The following CACNB4 variants were observed in gnomAD, a reference collection of about 807,000 sequenced individuals.
The protein encoded by CACNB4 is calcium voltage-gated channel auxiliary subunit beta 4.
CACNB4 carries 32 observed loss-of-function variants against 71.2 expected under a neutral mutation model. The observed-to-expected ratio is 0.45, with a 90% CI of 0.34 to 0.60. The LOEUF (loss-of-function observed/expected upper bound fraction) is 0.60, where lower values mean the gene tolerates loss of function less well. CACNB4 is among the 20% of genes least tolerant of loss of function. CACNB4 has a pLI of 0.01. For synonymous variants in CACNB4, 231 were observed against 236.9 expected (o/e 0.97, Z 0.23); for missense variants, 464 against 647.9 (o/e 0.72, Z 3.08).
At chr2:151,979,714 T>C (rs1007309562) in intron 2 of CACNB4, among the ~76,000 whole-genome samples, 1 of 152,212 alleles carries the variant, frequency 6.6e-6, no homozygotes, top group African/African-American at 2.4e-5. Context: ...TGAGAAATGA[T>C]GGCATCTCCC....
chr2:152,098,636 C>CCCA lies in CACNB4; in HGVS notation c.64-226_64-224dup. On this transcript the variant is annotated intron_variant, in intron 1 of 13. Coordinates refer to ENST00000539935, the MANE Select transcript of CACNB4 (RefSeq NM_000726.5). This position sits in a 1 kb window ranked among gnomAD's most constrained non-coding sequence, Gnocchi z 5.3. ...GCTCGAGAAGAGCAGCCCGCAAGCA[C>CCCA]CCACCACATCCATTAACAAAGACTC... 4.5e-6 allele frequency: 7 copies of CCCA among 1,571,042 alleles called. No individual in the cohort carries two copies. The East Asian group carries it at 1.4e-4, about 32-fold the overall frequency.
intron 2 of CACNB4, among the ~76,000 whole-genome samples, chr2:151,913,058 T>A (rs1290689173): frequency 3.3e-5 from 5 of 152,298 alleles, no homozygotes; most frequent in Non-Finnish European, 7.4e-5. Flanking sequence ...GAGCTTTACA[T>A]GTCTTTGCAT....
intron 2 of CACNB4, chr2:151,969,592 G>A (rs1280292198): frequency 2.0e-5 from 3 of 152,122 alleles, no homozygotes; most frequent in South Asian, 2.1e-4. Context: ...ATCAATTAGC[G>A]ATGCATGGAA....
chr2:151,875,465 A>C (rs1188129016), intron 5 of CACNB4, among the ~76,000 whole-genome samples: 9 of 152,082 alleles, frequency 5.9e-5, no homozygotes, highest in African/African-American at 2.2e-4. Context: ...CTATTCCACA[A>C]AACCGCCATC....
intron 2 of CACNB4, among the ~76,000 whole-genome samples, chr2:151,937,158 C>T (rs1464780808): frequency 6.6e-6 from 1 of 152,176 alleles, no homozygotes; most frequent in African/African-American, 2.4e-5. Context: ...CTGAAATTAA[C>T]CCATTTCAAT....
At chr2:152,093,344 A>C (rs946012822) in intron 2 of CACNB4, among the ~76,000 whole-genome samples, 16 of 152,104 alleles carry the variant, frequency 1.1e-4, no homozygotes, top group Admixed American at 9.8e-4. Context: ...TATAAATTGA[A>C]TAATCTTTAC....
At chr2:151,950,466 C>A (rs1239855343) in intron 2 of CACNB4, among the ~76,000 whole-genome samples, 1 of 152,182 alleles carries the variant, frequency 6.6e-6, no homozygotes, top group Non-Finnish European at 1.5e-5. Context: ...CACTTGACTC[C>A]TAGGTATATC....
intron 2 of CACNB4, among the ~76,000 whole-genome samples, chr2:151,906,775 A>G (rs1452148717): frequency 6.6e-6 from 1 of 152,164 alleles, no homozygotes; most frequent in Non-Finnish European, 1.5e-5. Context: ...CCCTCATGCT[A>G]TGCTGAAAAG....
Position 151,910,390 on chromosome 2 carries a change from T to C in CACNB4, c.148-27020A>G, listed in dbSNP as rs141326395. 4.8e-3 allele frequency among the ~76,000 whole-genome samples: 726 copies of C among 152,288 alleles called. 3 individuals carry two copies. The highest frequency in any genetic ancestry group is 7.5e-3 in the Non-Finnish European group (508 of 67,994). On this transcript the variant is annotated intron_variant, in intron 2 of 13. Coordinates refer to ENST00000539935, the MANE Select transcript of CACNB4 (RefSeq NM_000726.5). ...TCTTTAATTACCTATGCCTATGTCC[T>C]GAATGGAACTGCCTAGGTTTTCTTC...
chr2:151,901,049 A>T (rs2099853295), intron 2 of CACNB4, among the ~76,000 whole-genome samples: 1 of 135,898 alleles, frequency 7.4e-6, no homozygotes, highest in Admixed American at 8.1e-5. Context: ...GCTGAAATGC[A>T]GTGGTGCAAT....
At chr2:152,091,599 C>T (rs1407639471) in intron 2 of CACNB4, among the ~76,000 whole-genome samples, 1 of 152,140 alleles carries the variant, frequency 6.6e-6, no homozygotes, top group Non-Finnish European at 1.5e-5. Flanking sequence ...GATTGTACCA[C>T]TGCACTCCAG....
chr2:151,924,483 G>C (rs2099859744), intron 2 of CACNB4, among the ~76,000 whole-genome samples: 1 of 150,910 alleles, frequency 6.6e-6, no homozygotes, highest in Non-Finnish European at 1.5e-5. Flanking sequence ...AATATATGGA[G>C]GGATCTTCTT....
Position 151,876,565 on chromosome 2 carries a change from C to T in CACNB4, c.391-9G>A, listed in dbSNP as rs1342246691. The T allele has an allele frequency of 6.7e-7, 1 of 1,487,792 alleles. No homozygotes were observed. The highest frequency in any genetic ancestry group is 1.6e-5 in the African/African-American group (1 of 62,294). The allele number at this position is 1,487,792 out of a possible 1,614,324, so 92.2% of individuals were successfully genotyped here. A position where few individuals can be genotyped will look rare whatever the true frequency, so the allele number is the denominator to read the frequency against. On this transcript the variant is annotated splice_polypyrimidine_tract_variant and intron_variant, in intron 4 of 13. Transcript: ENST00000539935. ...CAATCATTGTTATATTTCTGGAATT[C>T]AGAAATAAAATTGCTATCAATAGTA...
intron 2 of CACNB4, among the ~76,000 whole-genome samples, chr2:152,085,870 C>T (rs907633281): frequency 6.7e-6 from 1 of 149,238 alleles, no homozygotes; most frequent in African/African-American, 2.5e-5. Flanking sequence ...TGCTACTGCA[C>T]CTATACTTTA....
chr2:152,038,385 A>G (rs1413547006), intron 2 of CACNB4, among the ~76,000 whole-genome samples: 1 of 152,120 alleles, frequency 6.6e-6, no homozygotes, highest in East Asian at 1.9e-4. Flanking sequence ...TATATCCCCA[A>G]TGCAGCTTCT....
intron 2 of CACNB4, among the ~76,000 whole-genome samples, chr2:151,924,330 G>A (rs886181520): frequency 5.3e-5 from 8 of 151,146 alleles, no homozygotes; most frequent in African/African-American, 1.5e-4. Flanking sequence ...TGCCCGCCTC[G>A]CCCTCCCAAA....
chr2:151,982,645 A>G (rs2099874933), intron 2 of CACNB4, among the ~76,000 whole-genome samples: 2 of 151,886 alleles, frequency 1.3e-5, no homozygotes, highest in African/African-American at 4.8e-5. Context: ...AAAAAAAAAA[A>G]AAAAAAAGAT....
chr2:151,984,560 T>A (rs1240388171), intron 2 of CACNB4, among the ~76,000 whole-genome samples: 1 of 152,118 alleles, frequency 6.6e-6, no homozygotes, highest in Non-Finnish European at 1.5e-5. Flanking sequence ...ATCAACTTCT[T>A]AAAGTTTGGG....
intron 2 of CACNB4, among the ~76,000 whole-genome samples, chr2:152,030,194 T>C (rs62175074): frequency 0.14 from 21,741 of 152,072 alleles, 2,068 homozygotes; most frequent in Non-Finnish European, 0.21. Context: ...ATTAACACAG[T>C]CTTGAAAAAA....
Sources: allele counts gnomAD v4.1 joint callset (sites outside exome capture counted in the v4.1 genomes callset), GRCh38; gene constraint gnomAD v4.1.1; non-coding constraint Gnocchi (gnomAD v3.1); transcripts MANE v1.5; gene names NCBI Gene and HGNC (gene_info 2026-07-23, HGNC 2026-07-21).